Variants in PRKN observed in about 807,000 individuals in gnomAD.
PRKN encodes the protein E3 ubiquitin-protein ligase parkin.
PRKN carries 56 observed loss-of-function variants against 59.5 expected under a neutral mutation model. The observed-to-expected ratio is 0.94, with a 90% confidence interval of 0.76 to 1.18. The LOEUF (loss-of-function observed/expected upper bound fraction) is 1.18. Among genes scored for constraint, PRKN ranks in the 50% most tolerant of loss-of-function variants. The pLI, the probability that PRKN is intolerant of heterozygous loss-of-function variation, is 0.00. For missense variants in PRKN, 657 were observed against 596.4 expected (o/e 1.10, Z -1.06); for synonymous variants, 250 against 222.1 (o/e 1.13, Z -1.12).
intron 10 of PRKN, among the ~76,000 whole-genome samples, chr6:161,374,464 GGT>G (rs888782851): frequency 6.8e-6 from 1 of 146,506 alleles, no homozygotes; most frequent in Non-Finnish European, 1.5e-5. Flanking sequence ...GCATATGGGT[GGT>G]GTGTGTGATG....
intron 1 of PRKN, among the ~76,000 whole-genome samples, chr6:162,533,990 A>G (rs901688508): frequency 4.1e-5 from 6 of 148,138 alleles, no homozygotes; most frequent in African/African-American, 7.4e-5. Context: ...AAAAAAAAAG[A>G]GATATGAAGG....
chr6:162,627,667 C>T (rs1782948651), intron 1 of PRKN, among the ~76,000 whole-genome samples: 1 of 152,050 alleles, frequency 6.6e-6, no homozygotes, highest in Non-Finnish European at 1.5e-5. Context: ...GAAATTATCA[C>T]CATACACAAT....
intron 7 of PRKN, among the ~76,000 whole-genome samples, chr6:161,739,315 G>A (rs1486330644): frequency 6.6e-6 from 1 of 152,126 alleles, no homozygotes; most frequent in African/African-American, 2.4e-5. Context: ...GGCTGAGGTG[G>A]GAGAATCGCT....
intron 5 of PRKN, among the ~76,000 whole-genome samples, chr6:161,990,787 G>A (rs1781617329): frequency 6.6e-6 from 1 of 152,114 alleles, no homozygotes; most frequent in Admixed American, 6.5e-5. Context: ...TGGAATTTGG[G>A]GTGTTCCAGA....
chr6:162,040,839 C>G (rs1784042736), intron 5 of PRKN, among the ~76,000 whole-genome samples: 1 of 151,828 alleles, frequency 6.6e-6, no homozygotes, highest in Non-Finnish European at 1.5e-5. Context: ...CCAAGGAGAA[C>G]AGTAGTGAGG....
intron 7 of PRKN, among the ~76,000 whole-genome samples, chr6:161,679,383 A>G (rs1444533049): frequency 6.6e-6 from 1 of 152,086 alleles, no homozygotes; most frequent in Non-Finnish European, 1.5e-5. Flanking sequence ...CCACTGAGCT[A>G]GGCTGGAAAC....
chr6:161,810,782 A>G (rs1791527234), intron 6 of PRKN, among the ~76,000 whole-genome samples: 1 of 152,182 alleles, frequency 6.6e-6, no homozygotes, highest in Non-Finnish European at 1.5e-5. Context: ...CAAAAAATAA[A>G]ATACAGTCAT....
chr6:162,417,444 T>C (rs754862265), intron 2 of PRKN, among the ~76,000 whole-genome samples: 2 of 152,066 alleles, frequency 1.3e-5, no homozygotes, highest in Non-Finnish European at 2.9e-5. Flanking sequence ...CTGGCAGCTG[T>C]GGGGGCAGAA....
At chr6:162,217,892 G>A (rs1777755056) in intron 3 of PRKN, among the ~76,000 whole-genome samples, 1 of 152,102 alleles carries the variant, frequency 6.6e-6, no homozygotes, top group Non-Finnish European at 1.5e-5. Context: ...ACAGCATCTA[G>A]GAATCCTTAA....
chr6:162,587,106 GAACAT>G (rs377131822), intron 1 of PRKN, among the ~76,000 whole-genome samples: 5 of 152,236 alleles, frequency 3.3e-5, no homozygotes, highest in African/African-American at 9.6e-5. Context: ...GTTTTTATAA[GAACAT>G]AACATAAGCA....
chr6:161,733,770 GAAAAA>G (rs71544915), intron 7 of PRKN, among the ~76,000 whole-genome samples: 2 of 102,426 alleles, frequency 2.0e-5, no homozygotes, highest in African/African-American at 4.3e-5. Context: ...CCCAGGGGGT[GAAAAA>G]AAAAAAAAAT....
chr6:162,030,008 A>T (rs1180029399), intron 5 of PRKN, among the ~76,000 whole-genome samples: 2 of 152,020 alleles, frequency 1.3e-5, no homozygotes, highest in African/African-American at 2.4e-5. Context: ...CCAGCTAATT[A>T]AAACAAAAAA....
intron 11 of PRKN, among the ~76,000 whole-genome samples, chr6:161,351,615 G>A (rs1045811480): frequency 1.3e-5 from 2 of 152,152 alleles, no homozygotes; most frequent in Admixed American, 6.5e-5. Flanking sequence ...GTGAGCTACC[G>A]CACCCAGCCA....
intron 2 of PRKN, among the ~76,000 whole-genome samples, chr6:162,333,538 T>A (rs927942638): frequency 5.3e-5 from 8 of 152,264 alleles, no homozygotes; most frequent in African/African-American, 1.9e-4. Context: ...ATCGTCTAGT[T>A]TTGGGGCACC....
At position 161,401,526 on chromosome 6, in the gene PRKN, T is replaced by C. The variant is rs1787050940; in HGVS notation, c.1084-14649A>G. Among the ~76,000 whole-genome samples, 1 of 151,966 alleles carries C rather than the reference T, an allele frequency of 6.6e-6. No homozygotes were observed. The highest frequency in any genetic ancestry group is 2.4e-5 in the African/African-American group (1 of 41,358). ...TACTCAGGAGGCTGAGGCAGGAGAA[T>C]TGCTTGAACCCAGGAGGCGGAGGCT... On this transcript the variant is annotated intron_variant, in intron 9 of 11. Coordinates refer to ENST00000366898, the MANE Select transcript of PRKN (RefSeq NM_004562.3). The surrounding 1 kb of genome is among the most constrained non-coding windows in gnomAD (Gnocchi z 4.4).
At chr6:161,387,962 A>G (rs1279028408) in intron 9 of PRKN, among the ~76,000 whole-genome samples, 2 of 152,158 alleles carry the variant, frequency 1.3e-5, no homozygotes, top group South Asian at 2.1e-4. Context: ...AATGCCCTCT[A>G]CCCGCCATCG....
In PRKN at chr6:161,447,238, C is replaced by T. The variant is rs1789531416; in HGVS notation, c.1084-60361G>A. On this transcript the variant is annotated intron_variant, in intron 9 of 11. Transcript: ENST00000366898. The surrounding 1 kb of genome is among the most constrained non-coding windows in gnomAD (Gnocchi z 4.1). ...GCTGCTGTTCATTGACCAGCTTTTC[C>T]TGCGTGTCTAAATTCTTCGGTTCTC... Among the ~76,000 whole-genome samples, 1 of 152,116 alleles carries T rather than the reference C, an allele frequency of 6.6e-6. No individual in the cohort carries two copies. Among genetic ancestry groups the T allele is most frequent in the Non-Finnish European group, 1.5e-5 (1 of 68,028 alleles).
chr6:161,373,686 T>G lies in PRKN; in HGVS notation c.1167+13108A>C, dbSNP rs1785534914. Among the ~76,000 whole-genome samples the G allele has an allele frequency of 6.6e-6, 1 of 151,710 alleles. No homozygotes were observed. Among genetic ancestry groups the G allele is most frequent in the Non-Finnish European group, 1.5e-5 (1 of 67,948 alleles). ...CCTCTGTGCTTGCGGGGTGCTGAGT[T>G]TAAACGGGCTATGCCTCTGTGCTTG... On this transcript the variant is annotated intron_variant, in intron 10 of 11. Transcript: ENST00000366898. This position sits in a 1 kb window ranked among gnomAD's most constrained non-coding sequence, Gnocchi z 4.8.
At position 161,953,610 on chromosome 6, in the gene PRKN, C is replaced by T. The variant is rs78438896; in HGVS notation, c.734+19692G>A. Among the ~76,000 whole-genome samples, 1,098 of 152,210 alleles carry T rather than the reference C, an allele frequency of 7.2e-3. 13 individuals carry two copies. Among genetic ancestry groups the T allele is most frequent in the African/African-American group, 0.026 (1,060 of 41,528 alleles). On this transcript the variant is annotated intron_variant, in intron 6 of 11. Coordinates refer to ENST00000366898, the MANE Select transcript of PRKN (RefSeq NM_004562.3). ...CACAACCACGTCCCTGAACACCTGCCGGATGCCAGCCCTGCAGGTACTGCT... is the reference window on the plus strand; with the variant it reads ...CACAACCACGTCCCTGAACACCTGCTGGATGCCAGCCCTGCAGGTACTGCT...
Sources: allele counts gnomAD v4.1 joint callset (sites outside exome capture counted in the v4.1 genomes callset), GRCh38; gene constraint gnomAD v4.1.1; non-coding constraint Gnocchi (gnomAD v3.1); transcripts MANE v1.5; gene names NCBI Gene and HGNC (gene_info 2026-07-23, HGNC 2026-07-21).